SOX6: variants seen among roughly 807,000 people sequenced by gnomAD.
SOX6 encodes the protein SRY-box transcription factor 6.
SOX6 carries 11 observed loss-of-function variants against 97.8 expected under a neutral mutation model. The ratio of observed to expected loss-of-function variants is 0.11; its 90% CI spans 0.07 to 0.19. The LOEUF (loss-of-function observed/expected upper bound fraction) is 0.19, where lower values mean the gene tolerates loss of function less well. SOX6 is among the 10% of genes least tolerant of loss of function. The pLI, the probability that SOX6 is intolerant of heterozygous loss-of-function variation, is 1.00. For synonymous variants in SOX6, 360 were observed against 371.4 expected (o/e 0.97, Z 0.35); for missense variants, 810 against 1,039.5 (o/e 0.78, Z 3.04).
At chr11:16,477,495 C>A, upstream of SOX6, among the ~76,000 whole-genome samples, 1 of 152,228 alleles carries the variant, frequency 6.6e-6, no homozygotes, top group East Asian at 1.9e-4. Context: ...CCCTCTTCAA[C>A]CCCTAAAATA....
chr11:16,341,779 T>A (rs1270929579), intron 1 of SOX6, among the ~76,000 whole-genome samples: 4 of 152,016 alleles, frequency 2.6e-5, no homozygotes, highest in Non-Finnish European at 5.9e-5. Flanking sequence ...CCTAAACAAA[T>A]CTGATCCTGA....
At chr11:16,518,995 A>G (rs1291100158) in intron 4 of SOX6, among the ~76,000 whole-genome samples, 2 of 152,178 alleles carry the variant, frequency 1.3e-5, no homozygotes, top group African/African-American at 4.8e-5. Flanking sequence ...ATATCTGAGC[A>G]GACCTCTCCT....
intron 4 of SOX6, among the ~76,000 whole-genome samples, chr11:16,232,620 T>C (rs1162432425): frequency 6.6e-6 from 1 of 152,062 alleles, no homozygotes; most frequent in Admixed American, 6.6e-5. Flanking sequence ...AAATATACCC[T>C]GAAGTACAAA....
At chr11:16,670,284 C>A (rs1377325862) in intron 3 of SOX6, among the ~76,000 whole-genome samples, 1 of 152,112 alleles carries the variant, frequency 6.6e-6, no homozygotes, top group Non-Finnish European at 1.5e-5. Context: ...ACCATACACA[C>A]CATATGGAGA....
chr11:16,406,625 G>A (rs1019197809), intron 1 of SOX6, among the ~76,000 whole-genome samples: 4 of 152,188 alleles, frequency 2.6e-5, no homozygotes, highest in South Asian at 2.1e-4. Context: ...ATTGGCCAAC[G>A]TAAGCTAAAT....
intron 1 of SOX6, among the ~76,000 whole-genome samples, chr11:16,392,534 T>A (rs1400705458): frequency 6.6e-6 from 1 of 152,182 alleles, no homozygotes; most frequent in Non-Finnish European, 1.5e-5. Context: ...TTTTTAAAGA[T>A]AAGTAAATTA....
chr11:16,059,323 TTTC>T (rs1228621670), intron 9 of SOX6, among the ~76,000 whole-genome samples: 3 of 152,072 alleles, frequency 2.0e-5, no homozygotes, highest in Non-Finnish European at 4.4e-5. Flanking sequence ...AATATTTTCT[TTTC>T]TTCTTATAAT....
At chr11:16,106,181 T>C (rs1849078912) in intron 7 of SOX6, among the ~76,000 whole-genome samples, 1 of 151,888 alleles carries the variant, frequency 6.6e-6, no homozygotes, top group Non-Finnish European at 1.5e-5. Flanking sequence ...ACAACCTATT[T>C]CACAGAAATG....
intron 3 of SOX6, among the ~76,000 whole-genome samples, chr11:16,657,747 A>T (rs1847734234): frequency 6.6e-6 from 1 of 152,178 alleles, no homozygotes; most frequent in Admixed American, 6.5e-5. Context: ...GATGTTGAGC[A>T]TCTATTCATG....
At chr11:16,533,754 A>G (rs1449419934) in intron 4 of SOX6, among the ~76,000 whole-genome samples, 3 of 152,094 alleles carry the variant, frequency 2.0e-5, no homozygotes, top group African/African-American at 7.2e-5. Context: ...TAATCATATT[A>G]TGTCATTTGG....
intron 2 of SOX6, among the ~76,000 whole-genome samples, chr11:16,725,249 C>A (rs12421640): frequency 3.3e-5 from 5 of 152,230 alleles, no homozygotes; most frequent in Non-Finnish European, 7.4e-5. Context: ...AGTGGCTGGG[C>A]GCAGTGGCTG....
intron 2 of SOX6, among the ~76,000 whole-genome samples, chr11:16,331,523 A>C (rs1212652638): frequency 1.3e-5 from 2 of 152,316 alleles, no homozygotes; most frequent in Admixed American, 1.3e-4. Flanking sequence ...AAGAACCTTC[A>C]AATTTTCTTC....
chr11:16,424,384 A>C lies in SOX6; in HGVS notation c.-5+51931T>G, dbSNP rs186083994. 9.0e-4 allele frequency among the ~76,000 whole-genome samples: 137 copies of C among 152,318 alleles called. No homozygotes were observed. The South Asian group carries it at 0.013, about 14-fold the overall frequency. The stretch of plus-strand genomic sequence containing the variant: ...CTCTCTACAAACTTGCAAGGTTAGC[A>C]AGACAAATGGTATTTTAAGATAACA... On this transcript the variant is annotated intron_variant, in intron 1 of 15. Coordinates refer to the SOX6 transcript ENST00000396356.
At chr11:15,999,573 C>T (rs543736182) in intron 13 of SOX6, among the ~76,000 whole-genome samples, 1 of 152,146 alleles carries the variant, frequency 6.6e-6, no homozygotes, top group South Asian at 2.1e-4. Context: ...AAGCAGAAAA[C>T]CAACCATCCA....
intron 13 of SOX6, among the ~76,000 whole-genome samples, chr11:16,010,689 A>G (rs908771178): frequency 3.9e-5 from 6 of 152,036 alleles, no homozygotes; most frequent in Non-Finnish European, 8.8e-5. Flanking sequence ...GCAGAGAGAA[A>G]GAGGAGGGAG....
chr11:16,539,435 C>CA (rs1467777132), intron 4 of SOX6, among the ~76,000 whole-genome samples: 2 of 152,082 alleles, frequency 1.3e-5, no homozygotes, highest in East Asian at 3.9e-4. Flanking sequence ...CAAATAAATT[C>CA]AAAAGCTAGC....
chr11:16,445,959 C>T (rs1204245791), intron 1 of SOX6, among the ~76,000 whole-genome samples: 1 of 152,076 alleles, frequency 6.6e-6, no homozygotes. Flanking sequence ...TAGAGGGCAA[C>T]ATTTCAACAT....
intron 3 of SOX6, among the ~76,000 whole-genome samples, chr11:16,672,042 C>T (rs916988709): frequency 2.6e-5 from 4 of 152,096 alleles, no homozygotes; most frequent in African/African-American, 9.7e-5. Flanking sequence ...TATATCTAGC[C>T]GAACTAAGCT....
intron 6 of SOX6, among the ~76,000 whole-genome samples, chr11:16,135,989 A>G (rs899634493): frequency 6.6e-6 from 1 of 152,116 alleles, no homozygotes; most frequent in Admixed American, 6.6e-5. Context: ...CACCAGTAAA[A>G]AAGATTATGA....
Sources: gnomAD v4.1 joint callset for allele counts (sites outside exome capture counted in the v4.1 genomes callset) on GRCh38, gnomAD v4.1.1 for gene constraint, MANE v1.5 for transcripts, NCBI Gene and HGNC (gene_info 2026-07-23, HGNC 2026-07-21) for gene names.